The following SYT14 variants were observed in gnomAD, a reference collection of about 807,000 sequenced individuals.
The protein encoded by SYT14 is synaptotagmin 14.
A neutral mutation model predicts 74.2 loss-of-function variants in SYT14; 32 were observed. The ratio of observed to expected loss-of-function variants is 0.43; its 90% CI spans 0.33 to 0.58. SYT14 has a LOEUF of 0.58. Among genes scored for constraint, SYT14 ranks in the 20% least tolerant of loss-of-function variants. The pLI is 0.05. For synonymous variants in SYT14, 298 were observed against 337.7 expected, an observed-to-expected ratio of 0.88 and a Z score of 1.29; for missense variants, 791 against 981.8, an observed-to-expected ratio of 0.81 and a Z score of 2.60.
In SYT14 at chr1:209,942,779, C is replaced by T. The variant is rs112809503; in HGVS notation, c.-534+4502C>T. 2.0e-5 allele frequency among the ~76,000 whole-genome samples: 3 copies of T among 152,098 alleles called. No homozygotes were observed. In the South Asian group the frequency reaches 6.2e-4, roughly 32 times the overall value. On this transcript the variant is annotated intron_variant, in intron 1 of 9. Transcript: ENST00000637265. Reference sequence around the variant, plus strand: ...TCTCTTCCATAAGGGTATCAGAAGACTCTGCAAACTGTTTTGCCAAAGTAA... The same window carrying T: ...TCTCTTCCATAAGGGTATCAGAAGATTCTGCAAACTGTTTTGCCAAAGTAA...
chr1:210,009,395 A>C (rs1343715041), intron 2 of SYT14, among the ~76,000 whole-genome samples: 1 of 152,162 alleles, frequency 6.6e-6, no homozygotes, highest in Non-Finnish European at 1.5e-5. Flanking sequence ...TAAAATTATA[A>C]ATAGATAAAA....
chr1:209,954,263 A>G (rs1417362603), intron 2 of SYT14, among the ~76,000 whole-genome samples: 5 of 152,210 alleles, frequency 3.3e-5, no homozygotes, highest in Non-Finnish European at 5.9e-5. Flanking sequence ...AGAAAATTAG[A>G]TAAGGATAGA....
At chr1:209,973,703 T>TA (rs1235081801) in intron 2 of SYT14, among the ~76,000 whole-genome samples, 1 of 152,226 alleles carries the variant, frequency 6.6e-6, no homozygotes, top group South Asian at 2.1e-4. Context: ...CAGCATGATT[T>TA]ATAATCCTTT....
chr1:210,153,388 T>C (rs892116485), intron 7 of SYT14, among the ~76,000 whole-genome samples: 4 of 152,202 alleles, frequency 2.6e-5, no homozygotes, highest in Admixed American at 2.0e-4. Flanking sequence ...TATGGATTAA[T>C]TTGGAAAGAA....
intron 7 of SYT14, among the ~76,000 whole-genome samples, chr1:210,133,535 T>C (rs2082719559): frequency 6.6e-6 from 1 of 152,202 alleles, no homozygotes; most frequent in African/African-American, 2.4e-5. Context: ...AGTTAGTCAA[T>C]AGTGGTGCCA....
intron 2 of SYT14, among the ~76,000 whole-genome samples, chr1:209,990,335 T>C (rs2079642574): frequency 6.6e-6 from 1 of 151,738 alleles, no homozygotes; most frequent in African/African-American, 2.4e-5. Flanking sequence ...TCAATGGCTC[T>C]AGAAGTCCTG....
chr1:210,084,628 T>C (rs1012821217), intron 5 of SYT14, among the ~76,000 whole-genome samples: 1 of 152,248 alleles, frequency 6.6e-6, no homozygotes, highest in African/African-American at 2.4e-5. Flanking sequence ...CTTTGTTTCC[T>C]TAAAGCAGGT....
At chr1:210,086,820 GT>G (rs1444013726) in intron 5 of SYT14, among the ~76,000 whole-genome samples, 1 of 152,146 alleles carries the variant, frequency 6.6e-6, no homozygotes, top group Non-Finnish European at 1.5e-5. Context: ...ATGAGTTTAT[GT>G]GGATTGTCCA....
rs2083058411 is a variant in SYT14 at position 210,147,180 on chromosome 1, GAAT to G, written c.2035-8538_2035-8536del. ...AAGTAATAGAAACTACAAAAAAAAA[GAAT>G]AAGACAATGTGGGAAAAGAGGCTGA... On this transcript the variant is annotated intron_variant, in intron 7 of 9. Coordinates refer to ENST00000637265, the Ensembl canonical transcript of SYT14. 3.3e-5 allele frequency among the ~76,000 whole-genome samples: 5 copies of G among 151,572 alleles called. No homozygotes were observed. The South Asian group carries it at 8.4e-4, about 25-fold the overall frequency.
intron 6 of SYT14, 39 bp from the exon 6 acceptor site, chr1:210,099,973 T>C: frequency 1.3e-6 from 2 of 1,563,412 alleles, no homozygotes; most frequent in Non-Finnish European, 1.8e-6. Flanking sequence ...GTTAAATAAT[T>C]GAGTTAAAAA....
intron 2 of SYT14, among the ~76,000 whole-genome samples, chr1:209,975,857 A>G (rs186892754): frequency 2.2e-3 from 331 of 152,260 alleles, no homozygotes; most frequent in Non-Finnish European, 3.8e-3. Context: ...TTGGTAAGCT[A>G]TTAATTATTG....
At chr1:210,163,456 G>A in exon 10 of SYT14, 1 of 453,658 alleles carries the variant, frequency 2.2e-6, no homozygotes, top group Non-Finnish European at 4.4e-6. Flanking sequence ...GTATGTATCT[G>A]TATACACACA....
chr1:210,107,192 T>C (rs1453508729), intron 7 of SYT14, among the ~76,000 whole-genome samples: 2 of 152,252 alleles, frequency 1.3e-5, no homozygotes, highest in Non-Finnish European at 2.9e-5. Flanking sequence ...AAGGGTGACC[T>C]TGGGTGAGGC....
At chr1:210,126,373 A>T (rs1356933971) in intron 7 of SYT14, among the ~76,000 whole-genome samples, 1 of 152,070 alleles carries the variant, frequency 6.6e-6, no homozygotes, top group Non-Finnish European at 1.5e-5. Flanking sequence ...AGAAAGGTTA[A>T]CTGAATTGCC....
chr1:210,156,266 A>G (rs1178876389), intron 8 of SYT14, among the ~76,000 whole-genome samples: 1 of 152,176 alleles, frequency 6.6e-6, no homozygotes, highest in Non-Finnish European at 1.5e-5. Context: ...ACTGAAGAGT[A>G]ATGTGTTTTG....
At chr1:210,059,646 A>T (rs1483978821) in intron 5 of SYT14, among the ~76,000 whole-genome samples, 2 of 151,960 alleles carry the variant, frequency 1.3e-5, no homozygotes, top group African/African-American at 4.8e-5. Context: ...AATTGGCAGG[A>T]TAAAATAATT....
chr1:209,963,884 G>T (rs1381881386), intron 2 of SYT14, among the ~76,000 whole-genome samples: 1 of 152,210 alleles, frequency 6.6e-6, no homozygotes, highest in Non-Finnish European at 1.5e-5. Context: ...AGTCAGAGGT[G>T]TGAGGGAAGG....
Position 209,980,173 on chromosome 1 carries a change from T to G in SYT14, c.-486+27417T>G, listed in dbSNP as rs182003344. Among the ~76,000 whole-genome samples the G allele has an allele frequency of 1.0e-3, 154 of 152,358 alleles. 5 individuals are homozygous for G. Among genetic ancestry groups the G allele is most frequent in the Non-Finnish European group, 1.8e-4 (12 of 68,020 alleles). On this transcript the variant is annotated intron_variant, in intron 2 of 9. Coordinates refer to ENST00000637265, the Ensembl canonical transcript of SYT14. ...GTTCTTACTGGTGTAAGATGGTATCTCATTGTGGTTTTGATTTACATTTCT... is the reference window on the plus strand; with the variant it reads ...GTTCTTACTGGTGTAAGATGGTATCGCATTGTGGTTTTGATTTACATTTCT...
Position 209,982,106 on chromosome 1 carries a change from T to A in SYT14, c.-486+29350T>A, listed in dbSNP as rs187847238. Among the ~76,000 whole-genome samples the A allele has an allele frequency of 1.1e-4, 16 of 152,248 alleles. No homozygotes were observed. The East Asian group carries it at 3.1e-3, about 29-fold the overall frequency. On this transcript the variant is annotated intron_variant, in intron 2 of 9. Transcript: ENST00000637265. Reference sequence around the variant, plus strand: ...CTCAAGAATGCCAGTAATTCATAGGTTTGGTTACTTTACATAGTCCCATAT... The same window carrying A: ...CTCAAGAATGCCAGTAATTCATAGGATTGGTTACTTTACATAGTCCCATAT...
Sources: allele counts gnomAD v4.1 joint callset (sites outside exome capture counted in the v4.1 genomes callset), GRCh38; gene constraint gnomAD v4.1.1; transcripts MANE v1.5; gene names NCBI Gene and HGNC (gene_info 2026-07-23, HGNC 2026-07-21).